Variants in HYAL4 observed in about 807,000 individuals in gnomAD.
HYAL4 encodes hyaluronidase-4.
A neutral mutation model predicts 35.2 loss-of-function variants in HYAL4; 37 were observed. The observed-to-expected ratio is 1.05, with a 90% CI of 0.81 to 1.38. The LOEUF (loss-of-function observed/expected upper bound fraction) is 1.38. HYAL4 is among the 40% of genes most tolerant of loss of function. The pLI is 0.00. For synonymous variants in HYAL4, 198 were observed against 203.2 expected, an observed-to-expected ratio of 0.97 and a Z score of 0.22; for missense variants, 572 against 572.4, an observed-to-expected ratio of 1.00 and a Z score of 0.01.
At chr7:123,855,919 T>C (rs1171645027) in intron 2 of HYAL4, among the ~76,000 whole-genome samples, 4 of 151,922 alleles carry the variant, frequency 2.6e-5, no homozygotes. Flanking sequence ...TTTTCTCTAA[T>C]CTTGTCTTCA....
At chr7:123,831,432 C>A (rs17146418) in intron 1 of HYAL4, among the ~76,000 whole-genome samples, 2 of 152,038 alleles carry the variant, frequency 1.3e-5, no homozygotes, top group African/African-American at 4.8e-5. Flanking sequence ...GTTTTAATTT[C>A]GGAGAACTCT....
At chr7:123,875,570 T>A (rs1171326385) in intron 4 of HYAL4, among the ~76,000 whole-genome samples, 1 of 147,448 alleles carries the variant, frequency 6.8e-6, no homozygotes, top group African/African-American at 2.5e-5. Flanking sequence ...GGCAGGAGAA[T>A]CACTTGAAGC....
chr7:123,821,119 A>G, the HYAL4 span, among the ~76,000 whole-genome samples: 1 of 152,224 alleles, frequency 6.6e-6, no homozygotes, highest in African/African-American at 2.4e-5. Context: ...ATGGGAATGC[A>G]GACACCTCTT....
At chr7:123,849,976 C>A (rs1806266150) in intron 2 of HYAL4, among the ~76,000 whole-genome samples, 1 of 116,500 alleles carries the variant, frequency 8.6e-6, no homozygotes, top group Non-Finnish European at 1.9e-5. Context: ...TACATAGTAG[C>A]ATGCAACCCT....
Position 123,868,748 on chromosome 7 carries a change from T to C in HYAL4, c.475T>C (p.Ser159Pro), listed in dbSNP as rs749632177. The change falls in exon 3 of 5, where the codon TCA becomes CCA. Residue 159 changes from serine (S) to proline (P), a missense_variant. Transcript: ENST00000223026. Reference protein sequence around the residue: ...WRPQWARNWNSKDVYRQKSRK... With the variant: ...WRPQWARNWNPKDVYRQKSRK... ...ACCACAGTGGGCCCGGAACTGGAAC[T>C]CAAAAGATGTTTACAGACAGAAGTC... is the stretch of plus-strand genomic sequence containing the variant. 1 of 1,614,028 alleles carries C rather than the reference T, an allele frequency of 6.2e-7. No homozygotes were observed. The highest frequency in any genetic ancestry group is 2.2e-5 in the East Asian group (1 of 44,870).
At chr7:123,773,808 T>G in the HYAL4 span, among the ~76,000 whole-genome samples, 11,562 of 152,264 alleles carry the variant, frequency 0.076, 554 homozygotes, top group Non-Finnish European at 0.11. Context: ...TTTCTTCTTC[T>G]TAGGCAATGC....
the HYAL4 span, among the ~76,000 whole-genome samples, chr7:123,806,727 C>G: frequency 2.0e-5 from 3 of 152,020 alleles, no homozygotes; most frequent in Admixed American, 2.0e-4. Context: ...GCTGAGATTA[C>G]AGGCATGAGC....
chr7:123,850,227 A>C (rs1806273114), intron 2 of HYAL4, among the ~76,000 whole-genome samples: 2 of 152,150 alleles, frequency 1.3e-5, no homozygotes, highest in South Asian at 4.1e-4. Context: ...CTCTTGTTGA[A>C]ATATGAATAC....
the HYAL4 span, chr7:123,790,513 C>T: frequency 6.6e-6 from 1 of 151,518 alleles, no homozygotes; most frequent in African/African-American, 2.4e-5. Flanking sequence ...ATCTGTAACG[C>T]TCTCTTGAAA....
chr7:123,841,899 C>T (rs951533091), upstream of HYAL4, among the ~76,000 whole-genome samples: 4 of 151,890 alleles, frequency 2.6e-5, no homozygotes, highest in African/African-American at 9.7e-5. Context: ...CTTTATTAAT[C>T]TTGCTAGCAG....
chr7:123,808,833 T>C, the HYAL4 span, among the ~76,000 whole-genome samples: 6 of 152,302 alleles, frequency 3.9e-5, no homozygotes, highest in South Asian at 2.1e-4. Context: ...TGGAGCACCT[T>C]TTCACTGTTT....
the HYAL4 span, among the ~76,000 whole-genome samples, chr7:123,800,573 C>T: frequency 1.3e-5 from 2 of 151,410 alleles, no homozygotes; most frequent in African/African-American, 4.9e-5. Context: ...AATTAGAATG[C>T]AATCACTTCA....
At chr7:123,766,264 C>G in the HYAL4 span, among the ~76,000 whole-genome samples, 1 of 152,106 alleles carries the variant, frequency 6.6e-6, no homozygotes, top group Non-Finnish European at 1.5e-5. Flanking sequence ...TACTTTTTCT[C>G]ATTAATAATA....
At chr7:123,870,938 A>T (rs1238182022) in intron 3 of HYAL4, among the ~76,000 whole-genome samples, 1 of 152,096 alleles carries the variant, frequency 6.6e-6, no homozygotes, top group Non-Finnish European at 1.5e-5. Flanking sequence ...ATAAACTCTG[A>T]GGGACAAAAC....
the HYAL4 span, among the ~76,000 whole-genome samples, chr7:123,798,033 T>A: frequency 2.0e-5 from 3 of 152,258 alleles, no homozygotes; most frequent in Admixed American, 2.0e-4. Context: ...GCTACTTCCT[T>A]ACATTTCCTA....
At chr7:123,811,082 A>G in the HYAL4 span, among the ~76,000 whole-genome samples, 9 of 152,116 alleles carry the variant, frequency 5.9e-5, no homozygotes, top group Admixed American at 2.6e-4. Context: ...TCATTTATCT[A>G]CTCACCTACT....
intron 2 of HYAL4, among the ~76,000 whole-genome samples, chr7:123,849,156 G>A (rs530743217): frequency 1.3e-5 from 2 of 152,182 alleles, no homozygotes; most frequent in African/African-American, 4.8e-5. Context: ...TTACTTTAGT[G>A]ACTATGTATG....
chr7:123,829,255 C>T (rs544885221), intron 1 of HYAL4: 4 of 152,352 alleles, frequency 2.6e-5, no homozygotes, highest in African/African-American at 7.2e-5. Context: ...CGTCTTGTCA[C>T]GATCACTCTT....
the HYAL4 span, among the ~76,000 whole-genome samples, chr7:123,791,332 A>G: frequency 6.6e-6 from 1 of 152,226 alleles, no homozygotes; most frequent in African/African-American, 2.4e-5. Context: ...AGAGAATGAT[A>G]ATAGAACTTC....
Sources: allele counts gnomAD v4.1 joint callset (sites outside exome capture counted in the v4.1 genomes callset), GRCh38; gene constraint gnomAD v4.1.1; transcripts MANE v1.5; gene names NCBI Gene and HGNC (gene_info 2026-07-23, HGNC 2026-07-21).